Variants in PRR16 observed in about 807,000 individuals in gnomAD.
PRR16 encodes the protein protein Largen.
Under a neutral mutation model 18.2 loss-of-function variants are expected in PRR16, and 6 were observed. The ratio of observed to expected loss-of-function variants is 0.33; its 90% CI spans 0.18 to 0.65. The LOEUF (loss-of-function observed/expected upper bound fraction) is 0.65, where lower values mean the gene tolerates loss of function less well. PRR16 is among the 30% of genes least tolerant of loss of function. The pLI is 0.74. For synonymous variants in PRR16, 151 were observed against 147.8 expected, an observed-to-expected ratio of 1.02 and a Z score of -0.16; for missense variants, 412 against 376.6, an observed-to-expected ratio of 1.09 and a Z score of -0.78.
At chr5:120,765,244 G>T in the PRR16 span, among the ~76,000 whole-genome samples, 6 of 151,978 alleles carry the variant, frequency 3.9e-5, no homozygotes, top group Admixed American at 2.6e-4. Context: ...TATCGCATGT[G>T]CCTCTAATGA....
At chr5:120,658,419 CACTAGGGAA>C (rs1302076861) in intron 1 of PRR16, 1 of 151,552 alleles carries the variant, frequency 6.6e-6, no homozygotes, top group Non-Finnish European at 1.5e-5. Flanking sequence ...GTCCAGACAG[CACTAGGGAA>C]ACATTAAGCA....
intron 1 of PRR16, among the ~76,000 whole-genome samples, chr5:120,669,033 A>G (rs797020415): frequency 2.0e-5 from 3 of 152,300 alleles, no homozygotes; most frequent in South Asian, 4.1e-4. Flanking sequence ...ATTTTGAGGA[A>G]GATTTATCCA....
chr5:120,572,440 T>A (rs1186639802), intron 1 of PRR16, among the ~76,000 whole-genome samples: 3 of 152,152 alleles, frequency 2.0e-5, no homozygotes, highest in Non-Finnish European at 4.4e-5. Flanking sequence ...GAGGAACTAC[T>A]GTTTATTGGG....
chr5:120,484,787 T>C (rs1402700786), intron 1 of PRR16, among the ~76,000 whole-genome samples: 1 of 150,702 alleles, frequency 6.6e-6, no homozygotes, highest in Non-Finnish European at 1.5e-5. Context: ...AAATAAAATG[T>C]GTCATATATA....
chr5:120,582,385 A>G (rs914590445), intron 1 of PRR16, among the ~76,000 whole-genome samples: 2 of 152,042 alleles, frequency 1.3e-5, no homozygotes, highest in African/African-American at 4.8e-5. Flanking sequence ...TACACTAGAA[A>G]CCTAATTCGA....
chr5:120,752,677 CTTTTA>C, the PRR16 span, among the ~76,000 whole-genome samples: 1,213 of 151,968 alleles, frequency 8.0e-3, 7 homozygotes, highest in Middle Eastern at 0.027. Flanking sequence ...TATATTATTT[CTTTTA>C]TATCTAGCTC....
At chr5:120,541,964 C>T (rs1004772929) in intron 1 of PRR16, among the ~76,000 whole-genome samples, 1 of 151,730 alleles carries the variant, frequency 6.6e-6, no homozygotes. Context: ...TCATTTTAGC[C>T]ACAGATTAAA....
chr5:120,513,964 T>C (rs576747381), intron 1 of PRR16, among the ~76,000 whole-genome samples: 1 of 152,214 alleles, frequency 6.6e-6, no homozygotes, highest in South Asian at 2.1e-4. Flanking sequence ...TTCACCATTT[T>C]GGTCAGGCTG....
chr5:120,790,931 G>T, the PRR16 span, among the ~76,000 whole-genome samples: 1 of 151,858 alleles, frequency 6.6e-6, no homozygotes, highest in African/African-American at 2.4e-5. Context: ...CAATGAAAAA[G>T]CATCAGTGTG....
intron 1 of PRR16, among the ~76,000 whole-genome samples, chr5:120,572,016 G>T (rs1435308136): frequency 2.0e-5 from 3 of 152,146 alleles, no homozygotes; most frequent in African/African-American, 7.2e-5. Flanking sequence ...CAAACTGTTT[G>T]CATGACAGTT....
chr5:120,741,653 G>A, the PRR16 span, among the ~76,000 whole-genome samples: 1 of 152,134 alleles, frequency 6.6e-6, no homozygotes, highest in African/African-American at 2.4e-5. Flanking sequence ...CCAGGATGGA[G>A]TACACTGGCC....
intron 1 of PRR16, among the ~76,000 whole-genome samples, chr5:120,584,220 G>A (rs904006380): frequency 6.6e-6 from 1 of 152,152 alleles, no homozygotes; most frequent in Non-Finnish European, 1.5e-5. Context: ...AGGACATAAA[G>A]GAGAAGTTTA....
chr5:120,487,417 T>C (rs917427508), intron 1 of PRR16, among the ~76,000 whole-genome samples: 4 of 152,228 alleles, frequency 2.6e-5, no homozygotes, highest in Admixed American at 2.6e-4. Flanking sequence ...CAATTGTGAA[T>C]GGGCGTTCAC....
rs144286952 is a variant in PRR16 at position 120,525,433 on chromosome 5, T to C, written c.159+60788T>C. On this transcript the variant is annotated intron_variant, in intron 1 of 1. Coordinates refer to ENST00000407149, the MANE Select transcript of PRR16 (RefSeq NM_001300783.2). ...CTTTTAAATTTATGCTATCTTGCTGTATTTTAAGAATGTGTGCAAGCCATT... is the reference window on the plus strand; with the variant it reads ...CTTTTAAATTTATGCTATCTTGCTGCATTTTAAGAATGTGTGCAAGCCATT... 2.2e-3 allele frequency among the ~76,000 whole-genome samples: 341 copies of C among 152,180 alleles called. 2 individuals carry two copies. The highest frequency in any genetic ancestry group is 7.3e-3 in the African/African-American group (305 of 41,552).
At chr5:120,615,336 T>G (rs1754470562) in intron 1 of PRR16, among the ~76,000 whole-genome samples, 1 of 151,452 alleles carries the variant, frequency 6.6e-6, no homozygotes, top group Non-Finnish European at 1.5e-5. Flanking sequence ...TATATTCTCT[T>G]CTATAGGCCC....
the PRR16 span, among the ~76,000 whole-genome samples, chr5:120,720,812 C>A: frequency 6.6e-6 from 1 of 151,944 alleles, no homozygotes; most frequent in African/African-American, 2.4e-5. Context: ...TTATATTTTT[C>A]CCATTTCATA....
At chr5:120,707,713 G>T in the PRR16 span, among the ~76,000 whole-genome samples, 1 of 152,166 alleles carries the variant, frequency 6.6e-6, no homozygotes, top group Non-Finnish European at 1.5e-5. Flanking sequence ...CTACTCAAGA[G>T]TTAAGACACT....
At chr5:120,616,573 T>C (rs1754518074) in intron 1 of PRR16, among the ~76,000 whole-genome samples, 2 of 152,154 alleles carry the variant, frequency 1.3e-5, no homozygotes, top group Admixed American at 6.6e-5. Flanking sequence ...TATTGGAGGA[T>C]AGCCTTCATT....
intron 1 of PRR16, among the ~76,000 whole-genome samples, chr5:120,479,950 A>G (rs897374337): frequency 1.3e-5 from 2 of 152,224 alleles, no homozygotes; most frequent in Admixed American, 1.3e-4. Flanking sequence ...TGTAAGCTGT[A>G]TTCACTTGTG....
Sources: gnomAD v4.1 joint callset for allele counts (sites outside exome capture counted in the v4.1 genomes callset) on GRCh38, gnomAD v4.1.1 for gene constraint, MANE v1.5 for transcripts, NCBI Gene and HGNC (gene_info 2026-07-23, HGNC 2026-07-21) for gene names.